DNAJC5B: variants seen among roughly 807,000 people sequenced by gnomAD.
The protein encoded by DNAJC5B is dnaJ homolog subfamily C member 5B.
DNAJC5B carries 23 observed loss-of-function variants against 24.7 expected under a neutral mutation model. The ratio of observed to expected loss-of-function variants is 0.93; its 90% CI spans 0.67 to 1.32. The LOEUF (loss-of-function observed/expected upper bound fraction) is 1.32, where lower values mean the gene tolerates loss of function less well. Among genes scored for constraint, DNAJC5B ranks in the 40% most tolerant of loss-of-function variants. The pLI is 0.00. For synonymous variants in DNAJC5B, 101 were observed against 90.1 expected (o/e 1.12, Z -0.68); for missense variants, 238 against 240.8 (o/e 0.99, Z 0.08).
chr8:66,038,855 G>T (rs547041199), intron 1 of DNAJC5B, among the ~76,000 whole-genome samples: 2 of 152,328 alleles, frequency 1.3e-5, no homozygotes, highest in East Asian at 3.9e-4. Context: ...GCAACAAGGT[G>T]TTTAAATTTC....
intron 3 of DNAJC5B, chr8:66,058,084 T>C (rs1388307930): frequency 6.6e-6 from 1 of 152,256 alleles, no homozygotes; most frequent in Non-Finnish European, 1.5e-5. Context: ...GTGTTCTCGC[T>C]CCTAGCCTGT....
intron 3 of DNAJC5B, among the ~76,000 whole-genome samples, chr8:66,064,488 A>G (rs1443010291): frequency 6.6e-6 from 1 of 152,204 alleles, no homozygotes; most frequent in African/African-American, 2.4e-5. Context: ...GAGGAAGTCT[A>G]TACAGCCATT....
At chr8:66,096,489 T>A (rs73244947) in intron 5 of DNAJC5B, among the ~76,000 whole-genome samples, 12,329 of 152,198 alleles carry the variant, frequency 0.081, 1,620 homozygotes, top group African/African-American at 0.28. Flanking sequence ...TGATGATGAA[T>A]TTTTCTATTT....
chr8:66,016,760 C>T (rs188734503), upstream of DNAJC5B, among the ~76,000 whole-genome samples: 149 of 152,204 alleles, frequency 9.8e-4, no homozygotes, highest in Non-Finnish European at 1.7e-3. Flanking sequence ...GCAATTGTGA[C>T]TATTTGGGGG....
intron 3 of DNAJC5B, among the ~76,000 whole-genome samples, chr8:66,056,243 C>A (rs932240353): frequency 1.3e-5 from 2 of 152,086 alleles, no homozygotes; most frequent in African/African-American, 4.8e-5. Context: ...ATTCTTCCTC[C>A]AGATTGAACA....
At chr8:66,038,112 T>C (rs1161673784) in intron 1 of DNAJC5B, among the ~76,000 whole-genome samples, 1 of 152,238 alleles carries the variant, frequency 6.6e-6, no homozygotes, top group Non-Finnish European at 1.5e-5. Flanking sequence ...TCAAAAAGGA[T>C]ATAATTGGTA....
intron 3 of DNAJC5B, among the ~76,000 whole-genome samples, chr8:66,061,123 G>T (rs1807071152): frequency 6.6e-6 from 1 of 152,124 alleles, no homozygotes; most frequent in African/African-American, 2.4e-5. Flanking sequence ...GCAGTTAAGA[G>T]CACAGGGTAT....
At chr8:66,059,303 C>A (rs1807031061) in intron 3 of DNAJC5B, among the ~76,000 whole-genome samples, 1 of 152,268 alleles carries the variant, frequency 6.6e-6, no homozygotes, top group Non-Finnish European at 1.5e-5. Flanking sequence ...CTCCCCTTAT[C>A]ATGCTGTCTG....
At chr8:66,048,121 GC>G (rs1448387990) in intron 2 of DNAJC5B, among the ~76,000 whole-genome samples, 1 of 151,962 alleles carries the variant, frequency 6.6e-6, no homozygotes, top group Non-Finnish European at 1.5e-5. Context: ...CAACCTGAAG[GC>G]CCCCCACTAG....
intron 5 of DNAJC5B, among the ~76,000 whole-genome samples, chr8:66,094,297 T>C (rs1807905951): frequency 6.6e-6 from 1 of 152,034 alleles, no homozygotes. Context: ...AGAATCTGAG[T>C]CTTTTAATAT....
intron 3 of DNAJC5B, among the ~76,000 whole-genome samples, chr8:66,069,171 G>T (rs1278897071): frequency 6.6e-6 from 1 of 151,834 alleles, no homozygotes; most frequent in African/African-American, 2.4e-5. Context: ...AGAAATATGA[G>T]TATATTTTAG....
intron 5 of DNAJC5B, among the ~76,000 whole-genome samples, chr8:66,086,198 G>C (rs1807721241): frequency 6.6e-6 from 1 of 152,068 alleles, no homozygotes; most frequent in South Asian, 2.1e-4. Context: ...AATTCCTTGG[G>C]ATTTTCTATG....
At chr8:66,081,409 C>CA (rs2128964863) in intron 5 of DNAJC5B, among the ~76,000 whole-genome samples, 1 of 152,116 alleles carries the variant, frequency 6.6e-6, no homozygotes, top group East Asian at 1.9e-4. Flanking sequence ...ACTGAATCCC[C>CA]AAAAAACCTA....
At chr8:66,031,472 A>G (rs890357190) in intron 1 of DNAJC5B, among the ~76,000 whole-genome samples, 6 of 152,184 alleles carry the variant, frequency 3.9e-5, no homozygotes, top group African/African-American at 7.2e-5. Flanking sequence ...TTAAGCACCT[A>G]CTGTATTAGT....
chr8:66,092,100 T>C (rs956276086), intron 5 of DNAJC5B, among the ~76,000 whole-genome samples: 1 of 152,164 alleles, frequency 6.6e-6, no homozygotes, highest in African/African-American at 2.4e-5. Context: ...AAAGTGTGAG[T>C]CATACATTAA....
At chr8:66,096,136 T>A (rs183725079) in intron 5 of DNAJC5B, among the ~76,000 whole-genome samples, 30 of 152,278 alleles carry the variant, frequency 2.0e-4, no homozygotes, top group African/African-American at 7.2e-4. Context: ...GAGATCAAGG[T>A]AGCAGGGTTG....
intron 5 of DNAJC5B, among the ~76,000 whole-genome samples, chr8:66,086,977 A>G (rs926942819): frequency 1.3e-5 from 2 of 152,174 alleles, no homozygotes; most frequent in Non-Finnish European, 2.9e-5. Flanking sequence ...TTACTATACT[A>G]AAAAATAAGA....
chr8:66,024,243 G>C (rs957626710), intron 1 of DNAJC5B, among the ~76,000 whole-genome samples: 1 of 152,064 alleles, frequency 6.6e-6, no homozygotes, highest in Admixed American at 6.5e-5. Flanking sequence ...TTCCATCATG[G>C]CATAGGCTTT....
chr8:66,085,155 C>T (rs1807692915), intron 5 of DNAJC5B, among the ~76,000 whole-genome samples: 1 of 152,098 alleles, frequency 6.6e-6, no homozygotes. Context: ...ATCAATTGGC[C>T]AGGGCCGGGC....
Sources: allele counts gnomAD v4.1 joint callset (sites outside exome capture counted in the v4.1 genomes callset), GRCh38; gene constraint gnomAD v4.1.1; transcripts MANE v1.5; gene names NCBI Gene and HGNC (gene_info 2026-07-23, HGNC 2026-07-21).